Variants in YTHDC1 observed in about 807,000 individuals in gnomAD.
The protein encoded by YTHDC1 is YTH N6-methyladenosine RNA binding protein C1, also known as YTH domain-containing protein 1.
In YTHDC1, 12 loss-of-function variants were observed where a neutral mutation model predicts 107.0. That is an observed-to-expected ratio of 0.11 (90% CI 0.07 to 0.18). The LOEUF is 0.18. Among genes scored for constraint, YTHDC1 ranks in the 10% least tolerant of loss-of-function variants. The pLI, the probability that YTHDC1 is intolerant of heterozygous loss-of-function variation, is 1.00. For synonymous variants in YTHDC1, 280 were observed against 289.5 expected, an observed-to-expected ratio of 0.97 and a Z score of 0.33; for missense variants, 635 against 898.8, an observed-to-expected ratio of 0.71 and a Z score of 3.75.
chr4:68,326,986 C>T (rs1723060188), intron 9 of YTHDC1, among the ~76,000 whole-genome samples: 1 of 151,496 alleles, frequency 6.6e-6, no homozygotes, highest in African/African-American at 2.4e-5. Flanking sequence ...GTAGTAATCC[C>T]AGCACTTTGG....
At chr4:68,348,948 G>A (rs1725754717) in intron 1 of YTHDC1, among the ~76,000 whole-genome samples, 1 of 152,090 alleles carries the variant, frequency 6.6e-6, no homozygotes. Context: ...CTAGGGCTTG[G>A]GAACTTAGTA....
Position 68,318,834 on chromosome 4 carries a change from T to C in YTHDC1, c.1713A>G (p.Glu571=), listed in dbSNP as rs1341789987. 8 of 1,614,168 alleles carry C rather than the reference T, an allele frequency of 5.0e-6. No individual in the cohort carries two copies. Among genetic ancestry groups the C allele is most frequent in the Non-Finnish European group, 6.8e-6 (8 of 1,180,006 alleles). Residue 571 remains glutamate, a synonymous_variant, in exon 13 of 17, where the codon GAA becomes GAG. Transcript: ENST00000344157. ...PGYLKDPRYQ[E]VDRRFSGVRR... Reference sequence around the variant, plus strand: ...GAGTGAACCCGACTTACCTGTCCACTTCCTGGTATCGTGGATCCTTTAAAT... The same window carrying C: ...GAGTGAACCCGACTTACCTGTCCACCTCCTGGTATCGTGGATCCTTTAAAT...
intron 1 of YTHDC1, among the ~76,000 whole-genome samples, chr4:68,346,078 C>CATATATATAT (rs34633749): frequency 0.087 from 11,552 of 132,216 alleles, 568 homozygotes; most frequent in South Asian, 0.12. Context: ...TGTGTGTGTA[C>CATATATATAT]ATATATATAT....
At position 68,333,536 on chromosome 4, in the gene YTHDC1, T is replaced by A; in HGVS notation, c.884-139A>T. ...TGCTCCTCTCTCCTGATCCCTCAAT[T>A]TCCTCAGAATGTTTTATTTTAAAAA... On this transcript the variant is annotated intron_variant, in intron 4 of 16. Transcript: ENST00000344157. 3 of 533,672 alleles carry A rather than the reference T, an allele frequency of 5.6e-6. No individual in the cohort carries two copies. The South Asian group carries it at 9.0e-5, about 16-fold the overall frequency. 33.1% of individuals were successfully genotyped at this position (533,672 alleles called of 1,614,324 possible).
chr4:68,337,807 C>T lies in YTHDC1; in HGVS notation c.224G>A (p.Ser75Asn), dbSNP rs371539554. Residue 75 changes from serine to asparagine, a missense_variant, in exon 3 of 17, where the codon AGC (serine) becomes AAC (asparagine). Around this residue, in one of 5 missense-constraint regions of YTHDC1, gnomAD observed 294 missense variants for 312.3 expected, o/e 0.94. Transcript: ENST00000344157. ...HSRQLVSKPLSSSVSNNKRIV... is the reference protein window; with the variant it reads ...HSRQLVSKPLNSSVSNNKRIV... ...TCTTTTGTTATTGCTAACAGATGAG[C>T]TCAGTGGCTTAGAAACCAGTTGTCT... 1.9e-6 allele frequency: 3 copies of T among 1,614,004 alleles called. No individual in the cohort carries two copies. Among genetic ancestry groups the T allele is most frequent in the Non-Finnish European group, 1.7e-6 (2 of 1,180,016 alleles).
At position 68,312,367 on chromosome 4, in the gene YTHDC1, T is replaced by C. The variant is rs1721373712; in HGVS notation, c.*1732A>G. The C allele has an allele frequency of 1.3e-5, 2 of 152,210 alleles. No individual in the cohort carries two copies. Among genetic ancestry groups the C allele is most frequent in the Admixed American group, 6.5e-5 (1 of 15,278 alleles). The allele number at this position is 152,210 out of a possible 1,614,324, so 9.4% of individuals were successfully genotyped here. On this transcript the variant is annotated 3_prime_UTR_variant, in exon 17 of 17. Transcript: ENST00000344157. The stretch of plus-strand genomic sequence containing the variant: ...CCTTTAATATTACCTACCAGTTTTG[T>C]ATAATGGTTACAGAAATTCTTAAAC...
chr4:68,342,676 T>C (rs1012004580), intron 1 of YTHDC1, among the ~76,000 whole-genome samples: 1 of 152,210 alleles, frequency 6.6e-6, no homozygotes, highest in Non-Finnish European at 1.5e-5. Context: ...TAATGTAAAC[T>C]GCTGCTTCTG....
At chr4:68,321,476 A>G (rs1722441051) in intron 11 of YTHDC1, among the ~76,000 whole-genome samples, 2 of 152,218 alleles carry the variant, frequency 1.3e-5, no homozygotes. Context: ...AGCCACATAC[A>G]TAAATGGAGG....
intron 1 of YTHDC1, among the ~76,000 whole-genome samples, chr4:68,345,500 T>C (rs1725308313): frequency 6.6e-6 from 1 of 152,198 alleles, no homozygotes; most frequent in Non-Finnish European, 1.5e-5. Context: ...TAATGTACGT[T>C]GTACATTTAG....
At position 68,314,061 on chromosome 4, in the gene YTHDC1, T is replaced by A. The variant is rs774272944; in HGVS notation, c.*38A>T. On this transcript the variant is annotated 3_prime_UTR_variant, in exon 17 of 17. Coordinates refer to ENST00000344157, the MANE Select transcript of YTHDC1 (RefSeq NM_001031732.4). ...ACACACAAAAAAAAAATACAAGATT[T>A]TTTGTATCTTTAAACAATCAGTGCT... is the stretch of plus-strand genomic sequence containing the variant. 1.3e-6 allele frequency: 2 copies of A among 1,585,792 alleles called. No individual in the cohort carries two copies. The highest frequency in any genetic ancestry group is 4.5e-5 in the East Asian group (2 of 44,666).
intron 4 of YTHDC1, among the ~76,000 whole-genome samples, chr4:68,336,656 C>T (rs1370641253): frequency 6.6e-6 from 1 of 152,174 alleles, no homozygotes; most frequent in African/African-American, 2.4e-5. Flanking sequence ...CAAGGAAATA[C>T]TGTAATACCC....
chr4:68,332,650 CTTTCTATGT>C, intron 6 of YTHDC1, 135 bp downstream of exon 6: 1 of 687,446 alleles, frequency 1.5e-6, no homozygotes, highest in East Asian at 2.8e-5. Flanking sequence ...AGACACAGAG[CTTTCTATGT>C]TAAGATATTA....
intron 16 of YTHDC1, 120 bp from the exon 17 acceptor site, chr4:68,314,443 G>A (rs1280303135): frequency 8.4e-6 from 7 of 829,184 alleles, no homozygotes; most frequent in African/African-American, 6.9e-5. Context: ...AAAAGTCTCT[G>A]TATTATAATC....
intron 2 of YTHDC1, 144 bp downstream of exon 2, chr4:68,338,139 C>G (rs1724422398): frequency 7.8e-7 from 1 of 1,275,200 alleles, no homozygotes; most frequent in South Asian, 1.5e-5. Flanking sequence ...TATCCCTATT[C>G]ATATGGATAC....
At position 68,332,377 on chromosome 4, in the gene YTHDC1, C is replaced by G. The variant is rs569250261; in HGVS notation, c.1028-180G>C. ...TAAAGCAAAGCTAAGAAAAGACAATCAGCATATTGCAAGAAAGTAAACCTA... is the reference window on the plus strand; with the variant it reads ...TAAAGCAAAGCTAAGAAAAGACAATGAGCATATTGCAAGAAAGTAAACCTA... On this transcript the variant is annotated intron_variant, in intron 6 of 16. Coordinates refer to ENST00000344157, the MANE Select transcript of YTHDC1 (RefSeq NM_001031732.4). 5.3e-5 allele frequency among the ~76,000 whole-genome samples: 8 copies of G among 152,216 alleles called. No homozygotes were observed. The South Asian group carries it at 1.5e-3, about 28-fold the overall frequency.
chr4:68,333,273 G>C (rs558119584), intron 5 of YTHDC1, 35 bp downstream of exon 5: 6 of 1,519,990 alleles, frequency 3.9e-6, no homozygotes, highest in African/African-American at 1.4e-5. Flanking sequence ...GATTACATTA[G>C]AATCAAGTCA....
chr4:68,320,036 C>T (rs1212419213), intron 12 of YTHDC1, 87 bp downstream of exon 12: 2 of 1,181,014 alleles, frequency 1.7e-6, no homozygotes, highest in Non-Finnish European at 2.4e-6. Flanking sequence ...ACTTTTAAAA[C>T]TGCAGGATTG....
chr4:68,317,866 G>A lies in YTHDC1; in HGVS notation c.1824+653C>T, dbSNP rs184422760. The stretch of plus-strand genomic sequence containing the variant: ...TTATATTTGATAAGACAAAGCATCA[G>A]TGAATGCCCATGGAATTTTACAGAT... On this transcript the variant is annotated intron_variant, in intron 15 of 16. Transcript: ENST00000344157. Among the ~76,000 whole-genome samples the A allele has an allele frequency of 5.3e-5, 8 of 152,292 alleles. No homozygotes were observed. The East Asian group carries it at 1.5e-3, about 29-fold the overall frequency.
rs1718696853 is a variant in YTHDC1 at position 68,311,542 on chromosome 4, CAT to C, written c.*2555_*2556del. 6.6e-6 allele frequency: 1 copy of C among 152,148 alleles called. No homozygotes were observed. Among genetic ancestry groups the C allele is most frequent in the African/African-American group, 2.4e-5 (1 of 41,420 alleles). 9.4% of individuals were successfully genotyped at this position (152,148 alleles called of 1,614,324 possible). A position where few individuals can be genotyped will look rare whatever the true frequency, so the allele number is the denominator to read the frequency against. ...GTCTTCTCACAGTGACAAAAGCTGT[CAT>C]GTGTACGAATATTAAATAAAACATA... is the stretch of plus-strand genomic sequence containing the variant. On this transcript the variant is annotated 3_prime_UTR_variant, in exon 17 of 17. Transcript: ENST00000344157.
Sources: allele counts gnomAD v4.1 joint callset (sites outside exome capture counted in the v4.1 genomes callset), GRCh38; gene constraint gnomAD v4.1.1; regional missense constraint gnomAD v4.1.1; transcripts MANE v1.5; gene names NCBI Gene and HGNC (gene_info 2026-07-23, HGNC 2026-07-21).